The following C15orf40 variants were observed in gnomAD, a reference collection of about 807,000 sequenced individuals.
C15orf40 encodes chromosome 15 open reading frame 40.
In C15orf40, 9 loss-of-function variants were observed where a neutral mutation model predicts 13.9. The ratio of observed to expected loss-of-function variants is 0.65; its 90% CI spans 0.39 to 1.13. C15orf40 has a LOEUF of 1.13. Ranked by LOEUF, C15orf40 falls within the 50% of genes most tolerant of loss-of-function variation. The probability of loss-of-function intolerance (pLI) is 0.01; values close to 1 mark genes in which losing one functional copy is unlikely to be tolerated. For missense variants in C15orf40, 225 were observed against 188.5 expected, an observed-to-expected ratio of 1.19 and a Z score of -1.13; for synonymous variants, 95 against 69.2, an observed-to-expected ratio of 1.37 and a Z score of -1.85.
rs540765065 is a variant in C15orf40, at chr15:83,004,493, T to C, written c.*1104A>G. 990 of 777,064 alleles carry C rather than the reference T, an allele frequency of 1.3e-3. 1 individual carries two copies. The highest frequency in any genetic ancestry group is 1.5e-3 in the Non-Finnish European group (946 of 639,946). The allele number at this position is 777,064 out of a possible 1,614,324, so 48.1% of individuals were successfully genotyped here. A position where few individuals can be genotyped will look rare whatever the true frequency, so the allele number is the denominator to read the frequency against. On this transcript the variant is annotated 3_prime_UTR_variant, in exon 4 of 4. Coordinates refer to ENST00000304177, the MANE Select transcript of C15orf40 (RefSeq NM_144597.3). The stretch of plus-strand genomic sequence containing the variant: ...ATTATTAGCTTTTGAAACTTTAATA[T>C]AGATGTAATTTCTGACAAGCTTTTA...
downstream of C15orf40, chr15:82,991,928 T>A (rs1265209243): frequency 1.6e-6 from 2 of 1,288,944 alleles, no homozygotes; most frequent in Non-Finnish European, 1.0e-6. Flanking sequence ...ATCAAAAATA[T>A]CACCTGGTTG....
In C15orf40 at chr15:83,011,559, T is replaced by C; in HGVS notation, c.49A>G (p.Thr17Ala). The change falls in exon 1 of 4, where the codon ACT becomes GCT. Residue 17 changes from threonine (T) to alanine (A), a missense_variant. Transcript: ENST00000304177. ...GLRHLRATPNTRGSARLLCAE... is the reference protein window; with the variant it reads ...GLRHLRATPNARGSARLLCAE... The stretch of plus-strand genomic sequence containing the variant: ...CAAAGAAGCCGAGCGGAGCCCCGAG[T>C]ATTGGGTGTTGCCCGAAGGTGCCTC... The C allele has an allele frequency of 6.2e-7, 1 of 1,605,732 alleles. No individual in the cohort carries two copies.
intron 1 of C15orf40, chr15:83,011,223 C>A (rs2031990691): frequency 5.4e-6 from 2 of 371,842 alleles, no homozygotes; most frequent in African/African-American, 4.2e-5. Flanking sequence ...GGGTAGGAGG[C>A]CAAAGGTCAG....
At position 83,011,327 on chromosome 15, in the gene C15orf40, G is replaced by T. The variant is rs1027898672; in HGVS notation, c.111+170C>A. On this transcript the variant is annotated intron_variant, in intron 1 of 3. Transcript: ENST00000304177. ...GCGCAGCCTACTGAGGCGGGGCGACGGCAGCAGGCCGCAGCTCTGGGGGTG... is the reference window on the plus strand; with the variant it reads ...GCGCAGCCTACTGAGGCGGGGCGACTGCAGCAGGCCGCAGCTCTGGGGGTG... 21 of 675,284 alleles carry T rather than the reference G, an allele frequency of 3.1e-5. No individual in the cohort carries two copies. In the African/African-American group the frequency reaches 3.8e-4, roughly 12 times the overall value. The allele number at this position is 675,284 out of a possible 1,614,324, so 41.8% of individuals were successfully genotyped here.
At chr15:83,008,775 G>T in intron 2 of C15orf40, 100 bp from the exon 3 acceptor site, 1 of 1,308,592 alleles carries the variant, frequency 7.6e-7, no homozygotes, top group Non-Finnish European at 1.0e-6. Flanking sequence ...CTGGCACACA[G>T]ATTTTCAATT....
At position 83,003,121 on chromosome 15, in the gene C15orf40, CTTTTTTTTTTTTT is replaced by C. The variant is rs781626119; in HGVS notation, c.*2463_*2475del. 1 of 114,534 alleles carries C rather than the reference CTTTTTTTTTTTTT, an allele frequency of 8.7e-6. No homozygotes were observed. The highest frequency in any genetic ancestry group is 1.7e-5 in the Non-Finnish European group (1 of 57,692). 7.1% of individuals were successfully genotyped at this position (114,534 alleles called of 1,614,324 possible). On this transcript the variant is annotated 3_prime_UTR_variant, in exon 4 of 4. Coordinates refer to ENST00000304177, the MANE Select transcript of C15orf40 (RefSeq NM_144597.3). ...CAACACGCCTGACCAAAAGTTGATC[CTTTTTTTTTTTTT>C]TTTTTTTTGAGATGGAGTTTCGCTC...
rs143792148 is a variant in C15orf40, at chr15:83,005,633, G to T, written c.426C>A (p.Ile142=). The T allele has an allele frequency of 4.8e-5, 78 of 1,611,920 alleles. No homozygotes were observed. The African/African-American group carries it at 9.7e-4, about 20-fold the overall frequency. ...KLLASTTPEE[I]LEKLKKEAKK... ...TGGCTTCCTTTTTTAATTTCTCCAA[G>T]ATCTCTTCTGGAGTTGTAGAAGCCA... The change falls in exon 4 of 4, where the codon ATC becomes ATA. Residue 142 remains isoleucine, a synonymous_variant. Coordinates refer to ENST00000304177, the MANE Select transcript of C15orf40 (RefSeq NM_144597.3).
rs1345741527 is a variant in C15orf40, at chr15:82,997,079, TA to T, written c.*8517del. On this transcript the variant is annotated 3_prime_UTR_variant, in exon 4 of 4. Coordinates refer to ENST00000304177, the MANE Select transcript of C15orf40 (RefSeq NM_144597.3). ...ATTTTTAACTGACTTCTATAGCTGT[TA>T]TTTTCCTGTCTTTATTCACTGTTCT... The T allele has an allele frequency of 6.7e-6, 1 of 149,590 alleles. No homozygotes were observed. Among genetic ancestry groups the T allele is most frequent in the Non-Finnish European group, 1.5e-5 (1 of 67,464 alleles). The allele number at this position is 149,590 out of a possible 1,614,324, so 9.3% of individuals were successfully genotyped here. A position where few individuals can be genotyped will look rare whatever the true frequency, so the allele number is the denominator to read the frequency against.
In C15orf40 at chr15:83,000,455, A is replaced by C. The variant is rs1567089886; in HGVS notation, c.*5142T>G. ...CGACCTGAGCTAAATTTAAGATACA[A>C]GGGGACTAAGCTTAAGGAATGGCTC... On this transcript the variant is annotated 3_prime_UTR_variant, in exon 4 of 4. Coordinates refer to ENST00000304177, the MANE Select transcript of C15orf40 (RefSeq NM_144597.3). 6.6e-6 allele frequency: 1 copy of C among 152,254 alleles called. No individual in the cohort carries two copies. The highest frequency in any genetic ancestry group is 1.9e-4 in the East Asian group (1 of 5,198). 9.4% of individuals were successfully genotyped at this position (152,254 alleles called of 1,614,324 possible).
downstream of C15orf40, chr15:82,989,262 C>A: frequency 1.3e-6 from 2 of 1,505,800 alleles, no homozygotes; most frequent in Non-Finnish European, 9.0e-7. Context: ...ACTGGAAGGC[C>A]AGTGAGGGCA....
Position 83,010,242 on chromosome 15 carries a change from AC to A in C15orf40, c.232del (p.Val78Ter), listed in dbSNP as rs772888120. On this transcript the variant is annotated frameshift_variant, in exon 2 of 4. Coordinates refer to ENST00000304177, the MANE Select transcript of C15orf40 (RefSeq NM_144597.3). LOFTEE classifies it high-confidence loss of function. ...ACCCCAGTGTCCAGGTATACCTGTT[AC>A]AGCATTTTGTTTGGAGCCAGGTTTT... ...HAKPGSKQNA[V>X]TDLTAEAVNV... 60 of 1,614,048 alleles carry A rather than the reference AC, an allele frequency of 3.7e-5. No individual in the cohort carries two copies. The Admixed American group carries it at 1.0e-3, about 27-fold the overall frequency.
In C15orf40 at chr15:83,003,121, CTT is replaced by C. The variant is rs781626119; in HGVS notation, c.*2474_*2475del. 197 of 114,492 alleles carry C rather than the reference CTT, an allele frequency of 1.7e-3. No homozygotes were observed. The highest frequency in any genetic ancestry group is 5.5e-3 in the African/African-American group (162 of 29,542). 7.1% of individuals were successfully genotyped at this position (114,492 alleles called of 1,614,324 possible). On this transcript the variant is annotated 3_prime_UTR_variant, in exon 4 of 4. Coordinates refer to ENST00000304177, the MANE Select transcript of C15orf40 (RefSeq NM_144597.3). ...CAACACGCCTGACCAAAAGTTGATC[CTT>C]TTTTTTTTTTTTTTTTTTTGAGATG...
At position 83,000,010 on chromosome 15, in the gene C15orf40, C is replaced by T. The variant is rs2031348750; in HGVS notation, c.*5587G>A. The T allele has an allele frequency of 6.6e-6, 1 of 152,132 alleles. No individual in the cohort carries two copies. The highest frequency in any genetic ancestry group is 2.4e-5 in the African/African-American group (1 of 41,414). 9.4% of individuals were successfully genotyped at this position (152,132 alleles called of 1,614,324 possible). A position where few individuals can be genotyped will look rare whatever the true frequency, so the allele number is the denominator to read the frequency against. On this transcript the variant is annotated 3_prime_UTR_variant, in exon 4 of 4. Coordinates refer to ENST00000304177, the MANE Select transcript of C15orf40 (RefSeq NM_144597.3). ...TATCTCCAGTGTTGTCCCAAAAGAC[C>T]TTCTGTGGCTGGCTGATACCATAGG... is the stretch of plus-strand genomic sequence containing the variant.
chr15:82,997,620 C>G lies in C15orf40; in HGVS notation c.*7977G>C. 1.7e-5 allele frequency: 5 copies of G among 292,662 alleles called. No homozygotes were observed. Among genetic ancestry groups the G allele is most frequent in the South Asian group, 1.3e-4 (5 of 38,216 alleles). 18.1% of individuals were successfully genotyped at this position (292,662 alleles called of 1,614,324 possible). A position where few individuals can be genotyped will look rare whatever the true frequency, so the allele number is the denominator to read the frequency against. ...TCTACTTCTTTCCACACAGACACAG[C>G]AACCATCCGATCTCTCAATCTTTTC... On this transcript the variant is annotated 3_prime_UTR_variant, in exon 4 of 4. Transcript: ENST00000304177.
chr15:83,008,747 A>G, intron 2 of C15orf40, 72 bp from the exon 3 acceptor site: 4 of 1,492,972 alleles, frequency 2.7e-6, no homozygotes, highest in Non-Finnish European at 2.7e-6. Flanking sequence ...CATTTTGTAA[A>G]AGAGTTTTTG....
downstream of C15orf40, among the ~76,000 whole-genome samples, chr15:82,992,509 T>G (rs1198030304): frequency 1.3e-5 from 2 of 150,318 alleles, no homozygotes; most frequent in African/African-American, 4.9e-5. Context: ...AGAGCGAAAC[T>G]CTCTCAAAGA....
intron 3 of C15orf40, chr15:83,006,529 G>T: frequency 5.3e-6 from 5 of 943,556 alleles, no homozygotes; most frequent in Non-Finnish European, 6.3e-6. Flanking sequence ...GGAGGCTGAG[G>T]CGGGTGGATC....
Position 83,005,258 on chromosome 15 carries a change from A to G in C15orf40, c.*339T>C. On this transcript the variant is annotated 3_prime_UTR_variant, in exon 4 of 4. Transcript: ENST00000304177. ...AACAGCCTCTTCACCATTAGCAATA[A>G]AAAAGTTTCTCAAGGATGTATTTTT... 9.9e-7 allele frequency: 1 copy of G among 1,014,710 alleles called. No homozygotes were observed. The highest frequency in any genetic ancestry group is 1.2e-6 in the Non-Finnish European group (1 of 845,984). The allele number at this position is 1,014,710 out of a possible 1,614,324, so 62.9% of individuals were successfully genotyped here.
intron 3 of C15orf40, among the ~76,000 whole-genome samples, chr15:83,007,119 C>G (rs1055621526): frequency 2.6e-5 from 4 of 152,092 alleles, no homozygotes; most frequent in Non-Finnish European, 2.9e-5. Flanking sequence ...GAGTGATACC[C>G]AGGGATCTGT....
Sources: allele counts gnomAD v4.1 joint callset (sites outside exome capture counted in the v4.1 genomes callset), GRCh38; gene constraint gnomAD v4.1.1; transcripts MANE v1.5; gene names NCBI Gene and HGNC (gene_info 2026-07-23, HGNC 2026-07-21).